Variants in EPS15 observed in about 807,000 individuals in gnomAD.
The protein encoded by EPS15 is epidermal growth factor receptor pathway substrate 15.
A neutral mutation model predicts 113.8 loss-of-function variants in EPS15; 72 were observed. The observed-to-expected ratio is 0.63, with a 90% confidence interval of 0.52 to 0.77. The LOEUF is 0.77. EPS15 is among the 30% of genes least tolerant of loss of function. The probability of loss-of-function intolerance (pLI) is 0.00; values close to 1 mark genes in which losing one functional copy is unlikely to be tolerated. For missense variants in EPS15, 1,048 were observed against 1,045.8 expected, an observed-to-expected ratio of 1.00 and a Z score of -0.03; for synonymous variants, 344 against 363.4, an observed-to-expected ratio of 0.95 and a Z score of 0.61.
At chr1:51,508,269 AGAGAAAGAG>A (rs1644543497) in intron 1 of EPS15, among the ~76,000 whole-genome samples, 3 of 132,220 alleles carry the variant, frequency 2.3e-5, no homozygotes, top group South Asian at 2.3e-4. Flanking sequence ...AGAGAGAGAG[AGAGAAAGAG>A]AGAAAGAGAG....
chr1:51,481,220 T>C (rs1345405039), intron 2 of EPS15, 53 bp downstream of exon 2: 1 of 897,212 alleles, frequency 1.1e-6, no homozygotes, highest in African/African-American at 1.6e-5. Flanking sequence ...CAATCAAGAG[T>C]TGACAGTACA....
chr1:51,357,521 G>GGCTA (rs1392513774), intron 24 of EPS15, among the ~76,000 whole-genome samples: 1 of 138,750 alleles, frequency 7.2e-6, no homozygotes, highest in African/African-American at 2.7e-5. Context: ...AACAGGACAG[G>GGCTA]GCTAGCCTTT....
At chr1:51,470,305 G>A (rs1245313146) in intron 4 of EPS15, among the ~76,000 whole-genome samples, 1 of 152,124 alleles carries the variant, frequency 6.6e-6, no homozygotes, top group African/African-American at 2.4e-5. Context: ...TTTGTCACAT[G>A]GAAATTCATT....
chr1:51,454,909 C>T, intron 8 of EPS15, among the ~76,000 whole-genome samples: 1 of 150,816 alleles, frequency 6.6e-6, no homozygotes. Flanking sequence ...AATCTAAAAT[C>T]ACTCCAAAAT....
chr1:51,362,939 T>C (rs1410815769), intron 23 of EPS15, among the ~76,000 whole-genome samples: 1 of 152,136 alleles, frequency 6.6e-6, no homozygotes, highest in Admixed American at 6.6e-5. Flanking sequence ...GTGCTAAACA[T>C]ATACATACAC....
rs186682475 is a variant in EPS15 at position 51,408,949 on chromosome 1, G to C, written c.1275+586C>G. 5.1e-4 allele frequency among the ~76,000 whole-genome samples: 77 copies of C among 152,152 alleles called. 1 individual carries two copies. The East Asian group carries it at 8.5e-3, about 17-fold the overall frequency. ...CGAGTAGCTGGGACTACAGGCACCC[G>C]CCACCGCCCTGGCTAATTTTTTGTA... is the stretch of plus-strand genomic sequence containing the variant. On this transcript the variant is annotated intron_variant, in intron 14 of 24. Coordinates refer to ENST00000371733, the MANE Select transcript of EPS15 (RefSeq NM_001981.3).
chr1:51,369,537 T>C (rs78334027), intron 21 of EPS15, among the ~76,000 whole-genome samples: 6,389 of 152,228 alleles, frequency 0.042, 201 homozygotes, highest in Middle Eastern at 0.11. Flanking sequence ...TTTGGAAAAA[T>C]ATATAAAAGT....
At chr1:51,445,314 T>C (rs997834451) in intron 10 of EPS15, among the ~76,000 whole-genome samples, 15 of 152,300 alleles carry the variant, frequency 9.8e-5, no homozygotes, top group South Asian at 2.1e-4. Context: ...AGAACCACTA[T>C]ACAGTAAAAG....
intron 18 of EPS15, among the ~76,000 whole-genome samples, chr1:51,401,354 G>T (rs1191117656): frequency 1.3e-5 from 2 of 151,974 alleles, no homozygotes; most frequent in African/African-American, 2.4e-5. Context: ...TTTGACAAGC[G>T]TATCAAGAAC....
At chr1:51,391,845 A>G (rs919989725) in intron 21 of EPS15, among the ~76,000 whole-genome samples, 9 of 152,238 alleles carry the variant, frequency 5.9e-5, no homozygotes, top group Non-Finnish European at 8.8e-5. Context: ...CGAAGGTGCC[A>G]AGAAAAGCAG....
chr1:51,499,345 A>T (rs1293127771), intron 1 of EPS15, among the ~76,000 whole-genome samples: 2 of 152,002 alleles, frequency 1.3e-5, no homozygotes, highest in Non-Finnish European at 2.9e-5. Context: ...TTATGCATGC[A>T]CCACATTTTT....
intron 21 of EPS15, among the ~76,000 whole-genome samples, chr1:51,367,001 A>T (rs1185023345): frequency 6.6e-6 from 1 of 152,204 alleles, no homozygotes; most frequent in African/African-American, 2.4e-5. Context: ...ACAAATTTCT[A>T]CCCTTGAAAA....
intron 12 of EPS15, among the ~76,000 whole-genome samples, chr1:51,436,863 G>T (rs1000541362): frequency 1.6e-4 from 25 of 151,924 alleles, no homozygotes; most frequent in African/African-American, 5.3e-4. Flanking sequence ...CAGAGGTGAG[G>T]GGACAATTAG....
chr1:51,431,010 AC>A (rs1557462484), intron 12 of EPS15, among the ~76,000 whole-genome samples: 26 of 149,652 alleles, frequency 1.7e-4, no homozygotes, highest in African/African-American at 6.5e-4. Flanking sequence ...ACACACACAC[AC>A]ACACACACAC....
intron 1 of EPS15, among the ~76,000 whole-genome samples, chr1:51,498,613 CAT>C (rs1644365086): frequency 6.6e-6 from 1 of 152,180 alleles, no homozygotes; most frequent in African/African-American, 2.4e-5. Context: ...GCATTTCTGA[CAT>C]ATGATATTTT....
At chr1:51,452,910 A>T (rs975687885) in intron 8 of EPS15, among the ~76,000 whole-genome samples, 1 of 152,198 alleles carries the variant, frequency 6.6e-6, no homozygotes, top group Non-Finnish European at 1.5e-5. Flanking sequence ...CTAACCAGCA[A>T]GGTTGGGCCT....
intron 1 of EPS15, among the ~76,000 whole-genome samples, chr1:51,518,857 G>A (rs1221467486): frequency 1.3e-5 from 2 of 151,796 alleles, no homozygotes; most frequent in Admixed American, 6.6e-5. Flanking sequence ...GAAACTTCCT[G>A]GGTAGGTGAA....
intron 11 of EPS15, among the ~76,000 whole-genome samples, chr1:51,441,490 A>G (rs1380346354): frequency 2.6e-5 from 4 of 152,128 alleles, no homozygotes; most frequent in African/African-American, 4.8e-5. Flanking sequence ...AGGCCTGAAC[A>G]TTTAAAAACT....
chr1:51,493,803 C>T (rs1299667846), intron 1 of EPS15, among the ~76,000 whole-genome samples: 16 of 151,586 alleles, frequency 1.1e-4, no homozygotes, highest in Admixed American at 7.9e-4. Context: ...TTAGTAGAGA[C>T]GGGGTTTTAC....
Sources: allele counts gnomAD v4.1 joint callset (sites outside exome capture counted in the v4.1 genomes callset), GRCh38; gene constraint gnomAD v4.1.1; transcripts MANE v1.5; gene names NCBI Gene and HGNC (gene_info 2026-07-23, HGNC 2026-07-21).